SLX4IP: variants seen among roughly 807,000 people sequenced by gnomAD.
The protein encoded by SLX4IP is protein SLX4IP.
SLX4IP carries 34 observed loss-of-function variants against 32.9 expected under a neutral mutation model. The ratio of observed to expected loss-of-function variants is 1.03; its 90% CI spans 0.79 to 1.38. The LOEUF (loss-of-function observed/expected upper bound fraction) is 1.38. SLX4IP is among the 40% of genes most tolerant of loss of function. The pLI is 0.00. For synonymous variants in SLX4IP, 172 were observed against 171.7 expected, an observed-to-expected ratio of 1.00 and a Z score of -0.01; for missense variants, 444 against 479.0, an observed-to-expected ratio of 0.93 and a Z score of 0.68.
chr20:10,570,173 C>G (rs1386366604), intron 4 of SLX4IP, among the ~76,000 whole-genome samples: 1 of 152,164 alleles, frequency 6.6e-6, no homozygotes, highest in East Asian at 1.9e-4. Flanking sequence ...CAGCCATGTG[C>G]TTAAATTGAC....
chr20:10,562,018 G>A (rs563941024), intron 4 of SLX4IP, among the ~76,000 whole-genome samples: 11 of 152,202 alleles, frequency 7.2e-5, no homozygotes, highest in African/African-American at 2.7e-4. Context: ...ACATACAGAC[G>A]GGCAGTTCAT....
chr20:10,603,331 C>T lies in SLX4IP; in HGVS notation c.405+1512C>T, dbSNP rs552989830. On this transcript the variant is annotated intron_variant, in intron 6 of 7. Coordinates refer to ENST00000334534, the MANE Select transcript of SLX4IP (RefSeq NM_001009608.3). ...AATGAAATATTATCCCCCTTAGGGGCCTTGGTATTTATACAGATGTAAGTT... is the reference window on the plus strand; with the variant it reads ...AATGAAATATTATCCCCCTTAGGGGTCTTGGTATTTATACAGATGTAAGTT... 2.6e-5 allele frequency among the ~76,000 whole-genome samples: 4 copies of T among 152,222 alleles called. No homozygotes were observed. In the South Asian group the frequency reaches 8.3e-4, roughly 32 times the overall value.
At chr20:10,544,513 G>A (rs1016138337) in intron 2 of SLX4IP, among the ~76,000 whole-genome samples, 1 of 152,160 alleles carries the variant, frequency 6.6e-6, no homozygotes, top group Non-Finnish European at 1.5e-5. Context: ...AGCCTCCTGA[G>A]TAGCTGGGAC....
At chr20:10,608,401 C>T (rs530662971) in intron 6 of SLX4IP, among the ~76,000 whole-genome samples, 154 of 152,220 alleles carry the variant, frequency 1.0e-3, no homozygotes, top group African/African-American at 3.6e-3. Context: ...CGCGGTGGCT[C>T]ATGCCTGTAA....
chr20:10,587,283 G>C (rs1388689929), intron 4 of SLX4IP, among the ~76,000 whole-genome samples: 2 of 151,906 alleles, frequency 1.3e-5, no homozygotes, highest in South Asian at 2.1e-4. Context: ...AATTATACAA[G>C]GTACAGGAAA....
chr20:10,606,008 C>T (rs1201199669), intron 6 of SLX4IP, among the ~76,000 whole-genome samples: 1 of 152,126 alleles, frequency 6.6e-6, no homozygotes, highest in Non-Finnish European at 1.5e-5. Flanking sequence ...GTGCATAATC[C>T]AGCCCTTTGT....
In SLX4IP at chr20:10,548,164, T is replaced by C. The variant is rs142430105; in HGVS notation, c.28-8067T>C. 5.8e-3 allele frequency among the ~76,000 whole-genome samples: 883 copies of C among 152,304 alleles called. 7 individuals are homozygous for C. The highest frequency in any genetic ancestry group is 0.02 in the African/African-American group (836 of 41,570). On this transcript the variant is annotated intron_variant, in intron 2 of 7. Coordinates refer to ENST00000334534, the MANE Select transcript of SLX4IP (RefSeq NM_001009608.3). ...CAACGCCTCCTAAACTGGGGCATTATTAGAAGAGATTCATGGTCTTTGGAC... is the reference window on the plus strand; with the variant it reads ...CAACGCCTCCTAAACTGGGGCATTACTAGAAGAGATTCATGGTCTTTGGAC...
At chr20:10,511,980 C>G (rs545653956) in intron 2 of SLX4IP, among the ~76,000 whole-genome samples, 1 of 152,102 alleles carries the variant, frequency 6.6e-6, no homozygotes, top group Non-Finnish European at 1.5e-5. Flanking sequence ...TAATAGCATA[C>G]AAATGTGAGA....
intron 6 of SLX4IP, chr20:10,613,495 A>G (rs1401047297): frequency 1.2e-6 from 2 of 1,601,690 alleles, no homozygotes; most frequent in East Asian, 2.2e-5. Flanking sequence ...GATTTGCAGT[A>G]CTTTGCTTCC....
At chr20:10,529,910 C>G (rs1182619892) in intron 2 of SLX4IP, among the ~76,000 whole-genome samples, 2 of 152,112 alleles carry the variant, frequency 1.3e-5, no homozygotes, top group African/African-American at 4.8e-5. Flanking sequence ...AGTCCAAGAC[C>G]ATATGCAGTC....
intron 2 of SLX4IP, among the ~76,000 whole-genome samples, chr20:10,553,736 A>T (rs1395239724): frequency 6.6e-6 from 1 of 152,204 alleles, no homozygotes; most frequent in Non-Finnish European, 1.5e-5. Context: ...ACCATATGAC[A>T]CATTGATATT....
At chr20:10,501,165 T>C (rs1414937852) in intron 2 of SLX4IP, among the ~76,000 whole-genome samples, 1 of 152,102 alleles carries the variant, frequency 6.6e-6, no homozygotes, top group Non-Finnish European at 1.5e-5. Flanking sequence ...ATGGCAAAAA[T>C]AGGTGAAAAA....
intron 6 of SLX4IP, among the ~76,000 whole-genome samples, chr20:10,618,436 G>C (rs186293469): frequency 6.6e-6 from 1 of 152,340 alleles, no homozygotes. Flanking sequence ...GGGTGGACAT[G>C]AGGCAGATGG....
intron 2 of SLX4IP, among the ~76,000 whole-genome samples, chr20:10,493,859 C>CTTTTTTTTTTTT (rs58299545): frequency 3.7e-4 from 26 of 70,538 alleles, no homozygotes; most frequent in Non-Finnish European, 3.9e-4. Flanking sequence ...TTATAGTTGC[C>CTTTTTTTTTTTT]TTTTTTTTTT....
intron 4 of SLX4IP, among the ~76,000 whole-genome samples, chr20:10,596,263 C>T (rs749097859): frequency 1.3e-5 from 2 of 151,954 alleles, no homozygotes; most frequent in Non-Finnish European, 1.5e-5. Context: ...CTTGCTTTGT[C>T]GCCCAGCCTG....
chr20:10,615,433 C>T (rs1351013069), intron 6 of SLX4IP, among the ~76,000 whole-genome samples: 2 of 152,208 alleles, frequency 1.3e-5, no homozygotes, highest in Non-Finnish European at 2.9e-5. Flanking sequence ...CTCATAGTCT[C>T]TTTTCCTGAA....
intron 4 of SLX4IP, among the ~76,000 whole-genome samples, chr20:10,578,439 A>G (rs1337024982): frequency 1.3e-5 from 2 of 152,238 alleles, no homozygotes; most frequent in African/African-American, 4.8e-5. Context: ...ATTACAAATA[A>G]TGTTCCATGG....
chr20:10,611,904 G>C (rs542739373), intron 6 of SLX4IP, among the ~76,000 whole-genome samples: 11 of 152,306 alleles, frequency 7.2e-5, no homozygotes, highest in Admixed American at 5.9e-4. Flanking sequence ...ATCTAACCAT[G>C]ATGGCAAATG....
intron 2 of SLX4IP, among the ~76,000 whole-genome samples, chr20:10,468,723 A>G (rs921886265): frequency 2.6e-5 from 4 of 151,940 alleles, no homozygotes; most frequent in Non-Finnish European, 5.9e-5. Context: ...AACCTTTCCC[A>G]TATTGATTTC....
Sources: allele counts gnomAD v4.1 joint callset (sites outside exome capture counted in the v4.1 genomes callset), GRCh38; gene constraint gnomAD v4.1.1; transcripts MANE v1.5; gene names NCBI Gene and HGNC (gene_info 2026-07-23, HGNC 2026-07-21).